TMEM232: variants seen among roughly 807,000 people sequenced by gnomAD.
The protein encoded by TMEM232 is transmembrane protein 232.
A neutral mutation model predicts 78.8 loss-of-function variants in TMEM232; 80 were observed. That is an observed-to-expected ratio of 1.01 (90% CI 0.85 to 1.22). The LOEUF (loss-of-function observed/expected upper bound fraction) is 1.22, where lower values mean the gene tolerates loss of function less well. Ranked by LOEUF, TMEM232 falls within the 50% of genes most tolerant of loss-of-function variation. The probability of loss-of-function intolerance (pLI) is 0.00; values close to 1 mark genes in which losing one functional copy is unlikely to be tolerated. For synonymous variants in TMEM232, 297 were observed against 254.3 expected, an observed-to-expected ratio of 1.17 and a Z score of -1.60; for missense variants, 881 against 742.2, an observed-to-expected ratio of 1.19 and a Z score of -2.17.
chr5:110,568,347 T>C, intron 11 of TMEM232, 100 bp downstream of exon 11: 1 of 1,079,636 alleles, frequency 9.3e-7, no homozygotes. Context: ...AAGTCATTAA[T>C]ACTCACTGAA....
At chr5:110,499,336 C>T (rs778775830) in intron 12 of TMEM232, among the ~76,000 whole-genome samples, 4 of 152,088 alleles carry the variant, frequency 2.6e-5, no homozygotes, top group Non-Finnish European at 5.9e-5. Context: ...TCTGACACCC[C>T]GGCTGAGTGC....
At chr5:110,460,453 AAT>A (rs1370347710) in intron 12 of TMEM232, among the ~76,000 whole-genome samples, 2 of 152,172 alleles carry the variant, frequency 1.3e-5, no homozygotes, top group Non-Finnish European at 2.9e-5. Flanking sequence ...GTATTAAAGC[AAT>A]ATGTTACCTC....
chr5:110,667,251 A>T lies in TMEM232; in HGVS notation c.102T>A (p.Ser34Arg). The T allele has an allele frequency of 6.5e-7, 1 of 1,546,070 alleles. No individual in the cohort carries two copies. Among genetic ancestry groups the T allele is most frequent in the Non-Finnish European group, 8.7e-7 (1 of 1,143,552 alleles). ...ELWKLNFQHL[S>R]GERGHKSRPT... ...ACCTTGATTTATGACCCCTTTCTCC[A>T]CTTAAATGTTGAAAATTTAATTTCC... The change falls in exon 2 of 14, where the codon AGT becomes AGA. Residue 34 changes from serine to arginine, a missense_variant. Transcript: ENST00000455884.
chr5:110,631,164 C>T (rs897380749), intron 5 of TMEM232, among the ~76,000 whole-genome samples: 4 of 152,108 alleles, frequency 2.6e-5, no homozygotes, highest in Non-Finnish European at 4.4e-5. Context: ...GGTGCTACGG[C>T]GGCCCAGTAC....
intron 6 of TMEM232, among the ~76,000 whole-genome samples, chr5:110,626,976 C>T (rs937723301): frequency 5.3e-5 from 8 of 151,992 alleles, no homozygotes; most frequent in African/African-American, 1.9e-4. Context: ...CCCTCGCCCT[C>T]GGCCACATTA....
At chr5:110,630,338 A>G (rs1360068876) in intron 5 of TMEM232, among the ~76,000 whole-genome samples, 2 of 152,214 alleles carry the variant, frequency 1.3e-5, no homozygotes, top group Non-Finnish European at 2.9e-5. Flanking sequence ...TGGAACAACT[A>G]GGAGAGAACA....
chr5:110,496,704 G>A (rs1236844191), intron 12 of TMEM232, among the ~76,000 whole-genome samples: 2 of 151,790 alleles, frequency 1.3e-5, no homozygotes, highest in African/African-American at 4.8e-5. Flanking sequence ...TCAAAATCTT[G>A]GAAACAACAG....
chr5:110,524,954 C>A (rs1436762973), intron 12 of TMEM232, among the ~76,000 whole-genome samples: 1 of 151,838 alleles, frequency 6.6e-6, no homozygotes, highest in East Asian at 1.9e-4. Context: ...GTAAGTATAG[C>A]CACACCTGCT....
chr5:110,525,541 G>A (rs1770442975), intron 12 of TMEM232, among the ~76,000 whole-genome samples: 1 of 151,776 alleles, frequency 6.6e-6, no homozygotes. Context: ...GAACTCAAAA[G>A]CAATACTGAA....
chr5:110,546,588 A>T (rs1773808346), intron 11 of TMEM232, among the ~76,000 whole-genome samples: 1 of 152,272 alleles, frequency 6.6e-6, no homozygotes, highest in Non-Finnish European at 1.5e-5. Flanking sequence ...GAGAGGAAGA[A>T]CAAAGGTTGT....
At chr5:110,609,745 T>C (rs1279838361) in intron 8 of TMEM232, among the ~76,000 whole-genome samples, 2 of 152,164 alleles carry the variant, frequency 1.3e-5, no homozygotes, top group South Asian at 2.1e-4. Context: ...AACTTTGTTA[T>C]GAATGCTGTG....
intron 10 of TMEM232, among the ~76,000 whole-genome samples, chr5:110,597,405 G>A (rs1349888168): frequency 1.3e-5 from 2 of 152,168 alleles, no homozygotes; most frequent in Non-Finnish European, 2.9e-5. Flanking sequence ...TCATGGGTAG[G>A]AAGAATCAAT....
chr5:110,730,789 T>C (rs945172165), upstream of TMEM232, among the ~76,000 whole-genome samples: 1 of 152,136 alleles, frequency 6.6e-6, no homozygotes, highest in Non-Finnish European at 1.5e-5. Context: ...GAGATATAAT[T>C]CAAGTTAAGA....
At chr5:110,563,779 G>A (rs770480080) in intron 11 of TMEM232, among the ~76,000 whole-genome samples, 13 of 151,638 alleles carry the variant, frequency 8.6e-5, no homozygotes, top group Non-Finnish European at 1.6e-4. Context: ...TTACTTTGGG[G>A]CTCCTAATCC....
intron 12 of TMEM232, among the ~76,000 whole-genome samples, chr5:110,476,100 T>C (rs1763225784): frequency 6.6e-6 from 1 of 152,020 alleles, no homozygotes; most frequent in Non-Finnish European, 1.5e-5. Context: ...TTTTTTAATA[T>C]ATAATGTCAT....
chr5:110,418,577 A>G (rs1756362076), downstream of TMEM232, among the ~76,000 whole-genome samples: 1 of 152,072 alleles, frequency 6.6e-6, no homozygotes, highest in African/African-American at 2.4e-5. Context: ...ATATTTTTTT[A>G]GCTCCTTTCC....
chr5:110,656,196 T>C (rs1789031366), intron 2 of TMEM232, among the ~76,000 whole-genome samples: 2 of 152,198 alleles, frequency 1.3e-5, no homozygotes, highest in Non-Finnish European at 2.9e-5. Flanking sequence ...ATGTTCACCA[T>C]TGTAGCCCCC....
chr5:110,524,687 T>G (rs2149515553), intron 12 of TMEM232, among the ~76,000 whole-genome samples: 1 of 152,288 alleles, frequency 6.6e-6, no homozygotes, highest in East Asian at 1.9e-4. Flanking sequence ...TTGTTCAAGC[T>G]CAATGTTTGC....
chr5:110,725,827 A>T (rs939920194), intron 1 of TMEM232: 1 of 152,172 alleles, frequency 6.6e-6, no homozygotes, highest in Non-Finnish European at 1.5e-5. Flanking sequence ...AATTTCTGAA[A>T]AACAGATAAT....
Sources: allele counts gnomAD v4.1 joint callset (sites outside exome capture counted in the v4.1 genomes callset), GRCh38; gene constraint gnomAD v4.1.1; transcripts MANE v1.5; gene names NCBI Gene and HGNC (gene_info 2026-07-23, HGNC 2026-07-21).